COG3: variants seen among roughly 807,000 people sequenced by gnomAD.
The protein encoded by COG3 is component of oligomeric golgi complex 3, also known as conserved oligomeric Golgi complex subunit 3.
Under a neutral mutation model 114.1 loss-of-function variants are expected in COG3, and 32 were observed. The ratio of observed to expected loss-of-function variants is 0.28; its 90% CI spans 0.21 to 0.38. COG3 has a LOEUF of 0.38. Ranked by LOEUF, COG3 falls within the 10% of genes least tolerant of loss-of-function variation. The probability of loss-of-function intolerance (pLI) is 1.00; values close to 1 mark genes in which losing one functional copy is unlikely to be tolerated. For missense variants in COG3, 813 were observed against 973.2 expected, an observed-to-expected ratio of 0.84 and a Z score of 2.19; for synonymous variants, 352 against 365.7, an observed-to-expected ratio of 0.96 and a Z score of 0.43.
At chr13:45,482,202 G>T (rs1170407720) in intron 5 of COG3, among the ~76,000 whole-genome samples, 179 bp from the exon 6 acceptor site, 1 of 152,036 alleles carries the variant, frequency 6.6e-6, no homozygotes, top group East Asian at 1.9e-4. Flanking sequence ...TGCTTTTTCT[G>T]TTTGTCCCTT....
chr13:45,497,840 A>C (rs1387189995), intron 13 of COG3, among the ~76,000 whole-genome samples: 1 of 142,464 alleles, frequency 7.0e-6, no homozygotes, highest in East Asian at 2.1e-4. Flanking sequence ...ACTCAAGGCT[A>C]AGCAGGACGG....
chr13:45,515,111 A>G (rs1158790093), intron 16 of COG3, among the ~76,000 whole-genome samples: 5 of 152,238 alleles, frequency 3.3e-5, no homozygotes, highest in Admixed American at 6.5e-5. Flanking sequence ...TGAAGTAATA[A>G]AATCTATATG....
rs1873471903 is a variant in COG3, at chr13:45,535,205, A to G, written c.*474A>G. The stretch of plus-strand genomic sequence containing the variant: ...TTATTTCTATGCTCTTATTTAATGT[A>G]ATGTTTCTCCTGTCATTTTTGAAGT... On this transcript the variant is annotated 3_prime_UTR_variant, in exon 23 of 23. Transcript: ENST00000349995. The G allele has an allele frequency of 1.3e-5, 13 of 986,144 alleles. No individual in the cohort carries two copies. Among genetic ancestry groups the G allele is most frequent in the Non-Finnish European group, 1.4e-5 (12 of 830,418 alleles). The allele number at this position is 986,144 out of a possible 1,614,324, so 61.1% of individuals were successfully genotyped here.
chr13:45,524,636 G>C (rs1041910444), intron 19 of COG3, among the ~76,000 whole-genome samples: 1 of 152,166 alleles, frequency 6.6e-6, no homozygotes. Context: ...GTCCCCTTAA[G>C]AGACACCTGT....
Position 45,490,940 on chromosome 13 carries a change from G to A in COG3, c.950G>A (p.Arg317Gln), listed in dbSNP as rs552995842. Residue 317 changes from arginine to glutamine, a missense_variant, in exon 9 of 23, where the codon CGG becomes CAG. By Grantham distance (43) the Arg-to-Gln change is conservative. Around this residue, in one of 2 missense-constraint regions of COG3, gnomAD observed 424 missense variants for 430.6 expected, o/e 0.98. Coordinates refer to ENST00000349995, the MANE Select transcript of COG3 (RefSeq NM_031431.4). ...VRTLIEQIELRSEKIPEYQQL... is the reference protein window; with the variant it reads ...VRTLIEQIELQSEKIPEYQQL... ...ACTCTTATTGAACAAATAGAACTGC[G>A]GTCTGAAAAAATACCTGAGTGAGTA... The A allele has an allele frequency of 3.9e-5, 62 of 1,598,166 alleles. 1 individual carries two copies. In the South Asian group the frequency reaches 6.1e-4, roughly 16 times the overall value.
chr13:45,518,610 G>C, intron 17 of COG3, 152 bp from the exon 18 acceptor site: 4 of 605,780 alleles, frequency 6.6e-6, no homozygotes, highest in Non-Finnish European at 1.2e-5. Context: ...AGCCATCACT[G>C]GTGCTCATCT....
At chr13:45,473,654 A>G (rs374721909) in intron 1 of COG3, among the ~76,000 whole-genome samples, 2 of 152,212 alleles carry the variant, frequency 1.3e-5, no homozygotes, top group East Asian at 1.9e-4. Flanking sequence ...TCAGTACTCA[A>G]ATTTATTGCT....
intron 14 of COG3, 106 bp from the exon 15 acceptor site, chr13:45,509,585 GC>G: frequency 1.4e-6 from 2 of 1,409,598 alleles, no homozygotes; most frequent in Admixed American, 4.2e-5. Context: ...GTGCCCTCTA[GC>G]TACTTATAGC....
In COG3 at chr13:45,535,438, A is replaced by G. The variant is rs946461655; in HGVS notation, c.*707A>G. 5 of 985,340 alleles carry G rather than the reference A, an allele frequency of 5.1e-6. No individual in the cohort carries two copies. Among genetic ancestry groups the G allele is most frequent in the Non-Finnish European group, 3.6e-6 (3 of 829,956 alleles). 61.0% of individuals were successfully genotyped at this position (985,340 alleles called of 1,614,324 possible). A position where few individuals can be genotyped will look rare whatever the true frequency, so the allele number is the denominator to read the frequency against. On this transcript the variant is annotated 3_prime_UTR_variant, in exon 23 of 23. Coordinates refer to ENST00000349995, the MANE Select transcript of COG3 (RefSeq NM_031431.4). The stretch of plus-strand genomic sequence containing the variant: ...CATTCTCATCATAGATACGTGCAGT[A>G]TCTTTAATGAGTATCTTCATGGTAT...
chr13:45,478,052 C>T (rs902491166), intron 2 of COG3, among the ~76,000 whole-genome samples: 3 of 152,090 alleles, frequency 2.0e-5, no homozygotes, highest in Admixed American at 6.5e-5. Flanking sequence ...ATTTTGTAAA[C>T]GATTATAGCA....
chr13:45,474,926 C>T (rs1044612247), intron 1 of COG3, among the ~76,000 whole-genome samples: 2 of 128,402 alleles, frequency 1.6e-5, no homozygotes, highest in East Asian at 2.3e-4. Flanking sequence ...TCTACTTTCC[C>T]TTTGTTTTGG....
In COG3 at chr13:45,488,684, G is replaced by A. The variant is rs994054792; in HGVS notation, c.924+2109G>A. On this transcript the variant is annotated intron_variant, in intron 8 of 22. Coordinates refer to ENST00000349995, the MANE Select transcript of COG3 (RefSeq NM_031431.4). The stretch of plus-strand genomic sequence containing the variant: ...TGGGTATGTGCCTTATTCATTCTAC[G>A]TAGCAGGAGTCCATGATGTATTTAT... Among the ~76,000 whole-genome samples the A allele has an allele frequency of 5.3e-5, 8 of 152,082 alleles. No homozygotes were observed. In the East Asian group the frequency reaches 7.7e-4, roughly 15 times the overall value.
chr13:45,503,307 G>GAAGATT lies in COG3; in HGVS notation c.1552_1553insAAGATT (p.Val518delinsGluAspPhe), dbSNP rs1458854825. 1 of 1,606,772 alleles carries GAAGATT rather than the reference G, an allele frequency of 6.2e-7. No individual in the cohort carries two copies. The highest frequency in any genetic ancestry group is 8.5e-7 in the Non-Finnish European group (1 of 1,173,644). ...ACCTTCAGAAGCTTCATTTTCAGAT[G>GAAGATT]TTCACTTAGAAGAAGGAGAGTCTAA... On this transcript the variant is annotated protein_altering_variant, in exon 14 of 23. Transcript: ENST00000349995.
intron 8 of COG3, among the ~76,000 whole-genome samples, chr13:45,489,414 G>C (rs9595331): frequency 6.6e-6 from 1 of 151,964 alleles, no homozygotes; most frequent in Non-Finnish European, 1.5e-5. Context: ...ATGGCATGAA[G>C]ATTTAGATTG....
At chr13:45,478,372 G>T (rs1273257641) in intron 2 of COG3, among the ~76,000 whole-genome samples, 1 of 151,106 alleles carries the variant, frequency 6.6e-6, no homozygotes, top group Non-Finnish European at 1.5e-5. Flanking sequence ...GTAGAGACGG[G>T]GTTTCACCGT....
intron 1 of COG3, among the ~76,000 whole-genome samples, chr13:45,470,886 G>A (rs1376281784): frequency 1.3e-5 from 2 of 152,214 alleles, no homozygotes; most frequent in Non-Finnish European, 2.9e-5. Flanking sequence ...GACTTTATGT[G>A]AAAGCTACAT....
chr13:45,530,312 C>T (rs3014895), intron 21 of COG3, among the ~76,000 whole-genome samples: 49,294 of 152,052 alleles, frequency 0.32, 8,680 homozygotes, highest in Middle Eastern at 0.52. Flanking sequence ...AAATTTAGGG[C>T]TCATAATTTC....
chr13:45,479,540 G>A (rs185651186), intron 3 of COG3, among the ~76,000 whole-genome samples: 22 of 152,224 alleles, frequency 1.4e-4, no homozygotes, highest in Admixed American at 3.3e-4. Flanking sequence ...TTTGTTGATG[G>A]CTATTATTGC....
At chr13:45,529,477 T>A (rs1872977502) in intron 20 of COG3, among the ~76,000 whole-genome samples, 1 of 150,642 alleles carries the variant, frequency 6.6e-6, no homozygotes, top group Non-Finnish European at 1.5e-5. Flanking sequence ...TTTTTTTTTT[T>A]AACTTTAATC....
Sources: gnomAD v4.1 joint callset for allele counts (sites outside exome capture counted in the v4.1 genomes callset) on GRCh38, gnomAD v4.1.1 for gene constraint, gnomAD v4.1.1 regional missense constraint, MANE v1.5 for transcripts, NCBI Gene and HGNC (gene_info 2026-07-23, HGNC 2026-07-21) for gene names.